TMEM117: variants seen among roughly 807,000 people sequenced by gnomAD.
TMEM117 encodes transmembrane protein 117.
TMEM117 carries 27 observed loss-of-function variants against 52.4 expected under a neutral mutation model. That is an observed-to-expected ratio of 0.51 (90% CI 0.38 to 0.71). The LOEUF is 0.71. TMEM117 is among the 30% of genes least tolerant of loss of function. The probability of loss-of-function intolerance (pLI) is 0.00; values close to 1 mark genes in which losing one functional copy is unlikely to be tolerated. For missense variants in TMEM117, 556 were observed against 630.5 expected (o/e 0.88, Z 1.26); for synonymous variants, 215 against 206.3 (o/e 1.04, Z -0.36).
intron 2 of TMEM117, among the ~76,000 whole-genome samples, chr12:43,883,939 C>T (rs1276478331): frequency 6.6e-6 from 1 of 151,792 alleles, no homozygotes; most frequent in Non-Finnish European, 1.5e-5. Flanking sequence ...GAGTATGAGA[C>T]CAGCCTTGGC....
chr12:44,353,465 A>G (rs2138786408), intron 6 of TMEM117, among the ~76,000 whole-genome samples: 1 of 151,980 alleles, frequency 6.6e-6, no homozygotes, highest in South Asian at 2.1e-4. Flanking sequence ...TCTTGAATTA[A>G]TTTTTGTATA....
chr12:44,052,012 A>G (rs1946981895), intron 3 of TMEM117, among the ~76,000 whole-genome samples: 1 of 152,202 alleles, frequency 6.6e-6, no homozygotes, highest in Non-Finnish European at 1.5e-5. Context: ...TTGGTAAGCT[A>G]TTTCATTTCT....
intron 3 of TMEM117, among the ~76,000 whole-genome samples, chr12:43,995,354 C>T (rs1229820675): frequency 6.6e-6 from 1 of 151,320 alleles, no homozygotes; most frequent in Non-Finnish European, 1.5e-5. Context: ...GGTTTTTTTC[C>T]CTCTGACTAG....
chr12:44,090,849 G>GTTTTTTTT (rs541939145), intron 3 of TMEM117, among the ~76,000 whole-genome samples: 3 of 101,638 alleles, frequency 3.0e-5, no homozygotes, highest in Non-Finnish European at 6.1e-5. Flanking sequence ...GTTTTTTTTT[G>GTTTTTTTT]TTTTTTTTTT....
chr12:44,097,881 A>G (rs777706016), intron 3 of TMEM117, among the ~76,000 whole-genome samples: 7 of 152,026 alleles, frequency 4.6e-5, no homozygotes, highest in Non-Finnish European at 8.8e-5. Context: ...AAAATAAAAT[A>G]AAAATACAGT....
intron 3 of TMEM117, among the ~76,000 whole-genome samples, chr12:44,077,663 C>CT (rs533670916): frequency 2.1e-4 from 32 of 152,040 alleles, no homozygotes; most frequent in Admixed American, 5.9e-4. Context: ...ATTCTAATCA[C>CT]TTTTTTTTAT....
intron 3 of TMEM117, among the ~76,000 whole-genome samples, chr12:44,029,583 T>C (rs1000399918): frequency 2.0e-5 from 3 of 152,154 alleles, no homozygotes; most frequent in African/African-American, 7.2e-5. Flanking sequence ...TGCCTCGCTT[T>C]CCCCACTCTG....
intron 3 of TMEM117, among the ~76,000 whole-genome samples, chr12:44,087,430 A>G (rs1459016693): frequency 2.0e-5 from 3 of 147,508 alleles, no homozygotes; most frequent in African/African-American, 5.2e-5. Context: ...CATTCTTTCT[A>G]TGTGTGTATG....
chr12:44,367,007 A>G (rs547706578), intron 6 of TMEM117, among the ~76,000 whole-genome samples: 2 of 152,314 alleles, frequency 1.3e-5, no homozygotes, highest in African/African-American at 2.4e-5. Context: ...ATATTGGTGC[A>G]CACTGGCTTT....
intron 5 of TMEM117, among the ~76,000 whole-genome samples, chr12:44,259,605 T>C (rs1482839522): frequency 2.0e-5 from 3 of 152,276 alleles, no homozygotes; most frequent in African/African-American, 7.2e-5. Flanking sequence ...CCTTAGTAGG[T>C]AATTAAGTAT....
the TMEM117 span, among the ~76,000 whole-genome samples, chr12:43,817,853 G>T: frequency 6.6e-6 from 1 of 152,152 alleles, no homozygotes; most frequent in African/African-American, 2.4e-5. Context: ...ATTCTTCAGA[G>T]AGTTTAGTTT....
chr12:43,968,548 T>C (rs1945522393), intron 3 of TMEM117, among the ~76,000 whole-genome samples: 1 of 152,222 alleles, frequency 6.6e-6, no homozygotes, highest in South Asian at 2.1e-4. Context: ...TTTCCGGCTA[T>C]ATAGTTCTGT....
At chr12:44,350,776 A>T (rs907598511) in intron 6 of TMEM117, among the ~76,000 whole-genome samples, 1 of 152,020 alleles carries the variant, frequency 6.6e-6, no homozygotes, top group African/African-American at 2.4e-5. Flanking sequence ...TAATGGACAC[A>T]TAAGTTGCTT....
intron 2 of TMEM117, among the ~76,000 whole-genome samples, chr12:43,899,299 T>C (rs1413562816): frequency 6.6e-6 from 1 of 152,250 alleles, no homozygotes; most frequent in Non-Finnish European, 1.5e-5. Flanking sequence ...AAATCTTTAC[T>C]GATGAGTACT....
At chr12:43,872,653 G>A (rs1337819565) in intron 2 of TMEM117, among the ~76,000 whole-genome samples, 1 of 152,124 alleles carries the variant, frequency 6.6e-6, no homozygotes, top group East Asian at 1.9e-4. Context: ...TGTTGATAAT[G>A]CCCACTCACA....
intron 2 of TMEM117, among the ~76,000 whole-genome samples, chr12:43,910,036 A>T (rs1329809949): frequency 7.9e-6 from 1 of 126,918 alleles, no homozygotes; most frequent in African/African-American, 2.7e-5. Flanking sequence ...GCAGAGACAC[A>T]ACCAAAAAAG....
intron 3 of TMEM117, among the ~76,000 whole-genome samples, chr12:44,128,911 T>C (rs1383872739): frequency 6.6e-6 from 1 of 152,222 alleles, no homozygotes; most frequent in Non-Finnish European, 1.5e-5. Flanking sequence ...CTTTTGAAGT[T>C]ATACCCGCCC....
intron 3 of TMEM117, among the ~76,000 whole-genome samples, chr12:44,133,472 TG>T (rs1384937552): frequency 6.6e-6 from 1 of 152,146 alleles, no homozygotes; most frequent in African/African-American, 2.4e-5. Context: ...TGGGTGGAAT[TG>T]TGGCTTTTCT....
intron 4 of TMEM117, among the ~76,000 whole-genome samples, chr12:44,196,904 A>C (rs988693259): frequency 2.0e-5 from 3 of 152,344 alleles, no homozygotes; most frequent in Non-Finnish European, 2.9e-5. Context: ...TTGAGTTACC[A>C]GTCTTTTCTT....
Sources: gnomAD v4.1 joint callset for allele counts (sites outside exome capture counted in the v4.1 genomes callset) on GRCh38, gnomAD v4.1.1 for gene constraint, MANE v1.5 for transcripts, NCBI Gene and HGNC (gene_info 2026-07-23, HGNC 2026-07-21) for gene names.